Variants in APC observed in about 807,000 individuals in gnomAD.
APC encodes APC regulator of Wnt signaling pathway.
Under a neutral mutation model 247.0 loss-of-function variants are expected in APC, and 72 were observed. The ratio of observed to expected loss-of-function variants is 0.29; its 90% CI spans 0.24 to 0.35. APC has a LOEUF of 0.35. Among genes scored for constraint, APC ranks in the 10% least tolerant of loss-of-function variants. The pLI is 1.00. For missense variants in APC, 3,400 were observed against 3,360.7 expected, an observed-to-expected ratio of 1.01 and a Z score of -0.29; for synonymous variants, 1,254 against 1,162.5, an observed-to-expected ratio of 1.08 and a Z score of -1.60.
rs756912930 is a variant in APC at position 112,840,089 on chromosome 5, G to C, written c.4495G>C (p.Gly1499Arg). The C allele has an allele frequency of 1.1e-5, 17 of 1,614,118 alleles. No individual in the cohort carries two copies. In the South Asian group the frequency reaches 1.9e-4, roughly 18 times the overall value. ...LHFATESTPD[G>R]FSCSSSLSAL... ...TTTTGCCACGGAAAGTACTCCAGATGGATTTTCTTGTTCATCCAGCCTGAG... is the reference window on the plus strand; with the variant it reads ...TTTTGCCACGGAAAGTACTCCAGATCGATTTTCTTGTTCATCCAGCCTGAG... Residue 1499 changes from glycine to arginine, a missense_variant, in exon 16 of 16, where the codon GGA becomes CGA. By Grantham distance (125) the Gly-to-Arg change is moderately radical. Around this residue, in one of 9 missense-constraint regions of APC, gnomAD observed 1,788 missense variants for 1,649.5 expected, o/e 1.08. Transcript: ENST00000257430. This position sits in a 1 kb window ranked among gnomAD's most constrained non-coding sequence, Gnocchi z 4.1.
At chr5:112,758,458 C>G (rs1430952522) in intron 2 of APC, among the ~76,000 whole-genome samples, 1 of 152,190 alleles carries the variant, frequency 6.6e-6, no homozygotes, top group Non-Finnish European at 1.5e-5. Flanking sequence ...TCCCAAGTAG[C>G]TGGGACTACG....
At chr5:112,749,479 A>ATTTCTTTTTTTTTT (rs1554066140) in intron 1 of APC, among the ~76,000 whole-genome samples, 1 of 104,066 alleles carries the variant, frequency 9.6e-6, no homozygotes, top group African/African-American at 3.6e-5. Flanking sequence ...TACTGCTCCA[A>ATTTCTTTTTTTTTT]TTTTTTTTTT....
At chr5:112,779,565 G>A (rs960955791) in intron 5 of APC, among the ~76,000 whole-genome samples, 54 of 152,022 alleles carry the variant, frequency 3.6e-4, no homozygotes, top group Non-Finnish European at 1.2e-4. Flanking sequence ...ATGTTGGGAA[G>A]CCAAGCTAAT....
At chr5:112,707,919 C>T (rs1407349343) in intron 1 of APC, 2 of 1,330,990 alleles carry the variant, frequency 1.5e-6, no homozygotes, top group South Asian at 1.3e-5. Flanking sequence ...CTCCTCCCGG[C>T]AAAGCTTCCT....
Position 112,838,799 on chromosome 5 carries a change from A to G in APC, c.3205A>G (p.Arg1069Gly), listed in dbSNP as rs375408871. The G allele has an allele frequency of 1.4e-5, 23 of 1,614,060 alleles. No individual in the cohort carries two copies. The highest frequency in any genetic ancestry group is 2.2e-5 in the South Asian group (2 of 91,080). ...AAAACAAAGTGAGCAAAGACAATCAAGGAATCAAAGTACAACTTATCCTGT... is the reference window on the plus strand; with the variant it reads ...AAAACAAAGTGAGCAAAGACAATCAGGGAATCAAAGTACAACTTATCCTGT... ...EIKQSEQRQS[R>G]NQSTTYPVYT... The change falls in exon 16 of 16, where the codon AGG becomes GGG. Residue 1069 changes from arginine to glycine, a missense_variant. By Grantham distance (125) the Arg-to-Gly change is moderately radical (BLOSUM62 -2). Around this residue, in one of 9 missense-constraint regions of APC, gnomAD observed 715 missense variants for 656.6 expected, o/e 1.09. Transcript: ENST00000257430.
At chr5:112,800,180 T>G (rs1760662066) in intron 7 of APC, among the ~76,000 whole-genome samples, 1 of 152,020 alleles carries the variant, frequency 6.6e-6, no homozygotes, top group Non-Finnish European at 1.5e-5. Context: ...TAGTAGATGG[T>G]CAGTAATTTT....
intron 6 of APC, among the ~76,000 whole-genome samples, chr5:112,783,103 T>TAG (rs1193952835): frequency 6.6e-6 from 1 of 152,152 alleles, no homozygotes; most frequent in African/African-American, 2.4e-5. Context: ...AGCTTTTTTT[T>TAG]AGAGAGAGAG....
chr5:112,780,759 A>G (rs761088970), intron 5 of APC, 31 bp from the exon 6 acceptor site: 9 of 1,476,626 alleles, frequency 6.1e-6, no homozygotes, highest in Admixed American at 5.1e-5. Flanking sequence ...AATACAAGAT[A>G]TTGATACTTT....
At chr5:112,782,873 C>T (rs1375629006) in intron 6 of APC, among the ~76,000 whole-genome samples, 1 of 151,952 alleles carries the variant, frequency 6.6e-6, no homozygotes, top group African/African-American at 2.4e-5. Flanking sequence ...ATATAACTGG[C>T]AAAGAACTAA....
At chr5:112,726,934 TTCTC>T (rs1426808657) in intron 1 of APC, among the ~76,000 whole-genome samples, 11 of 152,162 alleles carry the variant, frequency 7.2e-5, no homozygotes, top group Non-Finnish European at 1.5e-4. Flanking sequence ...CTTTTCTCTC[TTCTC>T]TCTGAGAACA....
intron 7 of APC, among the ~76,000 whole-genome samples, chr5:112,796,502 C>T (rs1419867642): frequency 6.6e-6 from 1 of 152,026 alleles, no homozygotes; most frequent in Non-Finnish European, 1.5e-5. Context: ...TAGTCATAAT[C>T]CTAAAAGCAG....
intron 2 of APC, among the ~76,000 whole-genome samples, chr5:112,762,578 A>G (rs1293356795): frequency 6.6e-6 from 1 of 152,248 alleles, no homozygotes; most frequent in Non-Finnish European, 1.5e-5. Flanking sequence ...TTGAACAAAA[A>G]AAGTGAGACA....
At chr5:112,792,377 A>G (rs1020722280) in intron 6 of APC, 69 bp from the exon 7 acceptor site, 19 of 1,038,588 alleles carry the variant, frequency 1.8e-5, no homozygotes, top group Admixed American at 1.0e-4. Context: ...AGTGGTAGCC[A>G]TAGTATGATT....
intron 6 of APC, among the ~76,000 whole-genome samples, chr5:112,786,842 A>C (rs1279555648): frequency 6.6e-6 from 1 of 151,130 alleles, no homozygotes; most frequent in East Asian, 1.9e-4. Flanking sequence ...TTTGTGGACC[A>C]TATGGTCTCT....
rs931297958 is a variant in APC, at chr5:112,836,707, C to CT, written c.1959-838dup. ...TCTGCCAAAGAGCAGTTTTTCTTTT[C>CT]TTTTTTTTCTTTTTTTTGAGATGGA... On this transcript the variant is annotated intron_variant, in intron 15 of 15. Transcript: ENST00000257430. 4.4e-3 allele frequency among the ~76,000 whole-genome samples: 671 copies of CT among 151,850 alleles called. 7 individuals are homozygous for CT. The highest frequency in any genetic ancestry group is 0.016 in the African/African-American group (649 of 41,396).
chr5:112,778,891 C>G (rs1202149945), intron 5 of APC, among the ~76,000 whole-genome samples: 2 of 152,202 alleles, frequency 1.3e-5, no homozygotes, highest in East Asian at 1.9e-4. Flanking sequence ...ATAACGTACT[C>G]TCTTAGCTTA....
intron 1 of APC, among the ~76,000 whole-genome samples, chr5:112,714,134 A>G (rs1244604102): frequency 6.6e-6 from 1 of 152,246 alleles, no homozygotes; most frequent in Non-Finnish European, 1.5e-5. Flanking sequence ...ATATGTAACA[A>G]CTATTGAAAT....
chr5:112,778,150 T>A, intron 5 of APC: 1 of 213,072 alleles, frequency 4.7e-6, no homozygotes, highest in Non-Finnish European at 1.0e-5. Context: ...CCATTCTGTT[T>A]GTTTCCTATT....
chr5:112,801,400 A>G lies in APC; in HGVS notation c.834+17A>G. On this transcript the variant is annotated intron_variant, in intron 8 of 15. Transcript: ENST00000257430. ...AATGGTCAGGTAAATAAATTATTTT[A>G]TCATATTTTTTAAAATTATTTAAAT... is the stretch of plus-strand genomic sequence containing the variant. The G allele has an allele frequency of 6.5e-7, 1 of 1,529,116 alleles. No homozygotes were observed. Among genetic ancestry groups the G allele is most frequent in the Non-Finnish European group, 8.9e-7 (1 of 1,118,560 alleles). The allele number at this position is 1,529,116 out of a possible 1,614,324, so 94.7% of individuals were successfully genotyped here. A position where few individuals can be genotyped will look rare whatever the true frequency, so the allele number is the denominator to read the frequency against.
Sources: allele counts gnomAD v4.1 joint callset (sites outside exome capture counted in the v4.1 genomes callset), GRCh38; gene constraint gnomAD v4.1.1; regional missense constraint gnomAD v4.1.1; non-coding constraint Gnocchi (gnomAD v3.1); transcripts MANE v1.5; gene names NCBI Gene and HGNC (gene_info 2026-07-23, HGNC 2026-07-21).